Variants in FREM2 observed in about 807,000 individuals in gnomAD.
The protein encoded by FREM2 is FRAS1-related extracellular matrix protein 2.
A neutral mutation model predicts 219.9 loss-of-function variants in FREM2; 119 were observed. The observed-to-expected ratio is 0.54, with a 90% CI of 0.47 to 0.63. The LOEUF is 0.63. Ranked by LOEUF, FREM2 falls within the 30% of genes least tolerant of loss-of-function variation. The probability of loss-of-function intolerance (pLI) is 0.00; values close to 1 mark genes in which losing one functional copy is unlikely to be tolerated. For missense variants in FREM2, 4,030 were observed against 3,993.6 expected (o/e 1.01, Z -0.25); for synonymous variants, 1,562 against 1,522.8 (o/e 1.03, Z -0.60).
At chr13:38,854,057 A>G (rs889052837) in intron 11 of FREM2, among the ~76,000 whole-genome samples, 1 of 151,574 alleles carries the variant, frequency 6.6e-6, no homozygotes, top group Non-Finnish European at 1.5e-5. Context: ...TTTAAGGAAT[A>G]GTTTTCTGAA....
chr13:38,862,114 G>A (rs148994465), intron 15 of FREM2, among the ~76,000 whole-genome samples: 27 of 152,292 alleles, frequency 1.8e-4, no homozygotes, highest in East Asian at 1.3e-3. Context: ...TACCATGTGC[G>A]GAAGGCATTT....
intron 2 of FREM2, among the ~76,000 whole-genome samples, chr13:38,746,216 C>A (rs1313084468): frequency 2.0e-5 from 3 of 152,120 alleles, no homozygotes; most frequent in Non-Finnish European, 4.4e-5. Context: ...TCTTTTTCTG[C>A]ATAACAACAT....
At chr13:38,874,637 A>G (rs1330001749) in intron 18 of FREM2, 51 bp downstream of exon 18, 1 of 1,419,000 alleles carries the variant, frequency 7.0e-7, no homozygotes, top group Admixed American at 1.7e-5. Context: ...AAGGAGGTAG[A>G]TTTTCCATCT....
chr13:38,807,380 C>A (rs1362260235), intron 6 of FREM2, among the ~76,000 whole-genome samples: 6 of 150,290 alleles, frequency 4.0e-5, no homozygotes, highest in Non-Finnish European at 8.9e-5. Context: ...AGCCACCACA[C>A]CCAGCAAATT....
intron 6 of FREM2, among the ~76,000 whole-genome samples, chr13:38,813,551 CTCTCTCTCTCTCTATATATATA>C (rs1875619808): frequency 6.3e-5 from 2 of 31,712 alleles, no homozygotes; most frequent in African/African-American, 1.6e-4. Context: ...CTCTCTCTCT[CTCTCTCTCTCTCTATATATATA>C]TATATATATA....
At chr13:38,766,192 A>G (rs577761976) in intron 3 of FREM2, among the ~76,000 whole-genome samples, 1 of 152,302 alleles carries the variant, frequency 6.6e-6, no homozygotes, top group South Asian at 2.1e-4. Context: ...AGATTGTAAA[A>G]TTATTTTTTT....
chr13:38,784,837 T>G (rs765221974), intron 6 of FREM2, 29 bp downstream of exon 6: 6 of 1,612,144 alleles, frequency 3.7e-6, no homozygotes, highest in Non-Finnish European at 5.1e-6. Context: ...GAAAATTCTT[T>G]TTCCCGGGAA....
chr13:38,765,754 C>A (rs181991751), intron 3 of FREM2, among the ~76,000 whole-genome samples: 1 of 152,014 alleles, frequency 6.6e-6, no homozygotes, highest in Non-Finnish European at 1.5e-5. Context: ...GGTTTTCACA[C>A]GACACTTTCC....
At chr13:38,715,366 C>A (rs183036986) in intron 2 of FREM2, among the ~76,000 whole-genome samples, 450 of 152,226 alleles carry the variant, frequency 3.0e-3, no homozygotes, top group African/African-American at 0.01. Context: ...GATTGCTTTG[C>A]CATTCCCAAA....
intron 2 of FREM2, among the ~76,000 whole-genome samples, chr13:38,759,118 A>G (rs1393880579): frequency 2.6e-5 from 4 of 152,178 alleles, no homozygotes; most frequent in Non-Finnish European, 5.9e-5. Flanking sequence ...TCATATAAAT[A>G]TCTATATCTA....
chr13:38,751,567 C>T (rs1383337312), intron 2 of FREM2, among the ~76,000 whole-genome samples: 2 of 152,246 alleles, frequency 1.3e-5, no homozygotes, highest in East Asian at 3.9e-4. Flanking sequence ...CTTTAATGGT[C>T]TTTCCAACCC....
At chr13:38,745,486 T>A (rs1417423719) in intron 2 of FREM2, among the ~76,000 whole-genome samples, 2 of 152,220 alleles carry the variant, frequency 1.3e-5, no homozygotes, top group East Asian at 3.8e-4. Context: ...GATAAAGAGC[T>A]GCTATTTAAT....
intron 6 of FREM2, among the ~76,000 whole-genome samples, chr13:38,803,077 A>G (rs1448890745): frequency 6.6e-6 from 1 of 152,088 alleles, no homozygotes; most frequent in Non-Finnish European, 1.5e-5. Context: ...GTTTCTTTCC[A>G]TGGATGAGGC....
At chr13:38,819,959 G>T (rs535818141) in intron 6 of FREM2, among the ~76,000 whole-genome samples, 2 of 152,050 alleles carry the variant, frequency 1.3e-5, no homozygotes, top group African/African-American at 4.8e-5. Flanking sequence ...GTTATTATTA[G>T]TTATCCTAAT....
chr13:38,799,223 A>G (rs921433382), intron 6 of FREM2, among the ~76,000 whole-genome samples: 1 of 151,818 alleles, frequency 6.6e-6, no homozygotes, highest in African/African-American at 2.4e-5. Context: ...TTTCCTTGCA[A>G]TAGTCATTCA....
chr13:38,706,818 C>G (rs1329068157), intron 2 of FREM2, among the ~76,000 whole-genome samples: 1 of 152,106 alleles, frequency 6.6e-6, no homozygotes, highest in East Asian at 1.9e-4. Context: ...TCTACAATAT[C>G]CCAATGAGTT....
At chr13:38,843,933 CATAATA>C (rs1026685238) in intron 6 of FREM2, among the ~76,000 whole-genome samples, 59 of 151,358 alleles carry the variant, frequency 3.9e-4, no homozygotes, top group African/African-American at 1.4e-3. Context: ...GTTTTAATCT[CATAATA>C]ATCACATCAA....
chr13:38,822,516 G>C (rs1876106586), intron 6 of FREM2, among the ~76,000 whole-genome samples: 1 of 151,962 alleles, frequency 6.6e-6, no homozygotes, highest in Non-Finnish European at 1.5e-5. Flanking sequence ...AAGTGGTCTA[G>C]GTGTTGCTTT....
chr13:38,769,957 G>T (rs892898894), intron 4 of FREM2, 149 bp downstream of exon 4: 5 of 697,436 alleles, frequency 7.2e-6, no homozygotes, highest in Non-Finnish European at 1.3e-5. Flanking sequence ...ATTCTCAGAT[G>T]TGTTGACAGG....
Sources: allele counts gnomAD v4.1 joint callset (sites outside exome capture counted in the v4.1 genomes callset), GRCh38; gene constraint gnomAD v4.1.1; transcripts MANE v1.5; gene names NCBI Gene and HGNC (gene_info 2026-07-23, HGNC 2026-07-21).